CHCHD6: variants seen among roughly 807,000 people sequenced by gnomAD.
CHCHD6 encodes coiled-coil-helix-coiled-coil-helix domain containing 6.
In CHCHD6, 28 loss-of-function variants were observed where a neutral mutation model predicts 32.3. The observed-to-expected ratio is 0.87, with a 90% CI of 0.64 to 1.19. CHCHD6 has a LOEUF of 1.19. CHCHD6 is among the 50% of genes most tolerant of loss of function. The pLI is 0.00. For synonymous variants in CHCHD6, 122 were observed against 117.5 expected, an observed-to-expected ratio of 1.04 and a Z score of -0.25; for missense variants, 333 against 307.0, an observed-to-expected ratio of 1.08 and a Z score of -0.63.
intron 6 of CHCHD6, among the ~76,000 whole-genome samples, chr3:126,931,509 G>A (rs1462117100): frequency 1.3e-5 from 2 of 152,174 alleles, no homozygotes; most frequent in African/African-American, 2.4e-5. Context: ...GCTCCTCACA[G>A]TGTGGCCCTG....
intron 4 of CHCHD6, among the ~76,000 whole-genome samples, chr3:126,840,071 C>T (rs1037523091): frequency 6.6e-5 from 10 of 152,184 alleles, no homozygotes; most frequent in South Asian, 2.1e-4. Flanking sequence ...TGTGGCCTTT[C>T]GTGTCTGGCT....
intron 1 of CHCHD6, among the ~76,000 whole-genome samples, chr3:126,722,229 C>T (rs901541222): frequency 2.0e-5 from 3 of 152,204 alleles, no homozygotes; most frequent in Non-Finnish European, 2.9e-5. Flanking sequence ...AGTCATAGCT[C>T]GCTGTAACCA....
intron 4 of CHCHD6, among the ~76,000 whole-genome samples, chr3:126,754,914 A>G (rs1936890797): frequency 6.6e-6 from 1 of 152,284 alleles, no homozygotes; most frequent in African/African-American, 2.4e-5. Context: ...CAGTGGCTGC[A>G]AGGAGGGAGT....
intron 5 of CHCHD6, among the ~76,000 whole-genome samples, chr3:126,913,261 C>T (rs1467216345): frequency 9.4e-4 from 74 of 79,024 alleles, no homozygotes; most frequent in African/African-American, 2.8e-3. Context: ...CGGAGTTTCA[C>T]TTTTGTCGCC....
At chr3:126,842,624 A>G (rs1576482373) in intron 4 of CHCHD6, among the ~76,000 whole-genome samples, 1 of 152,126 alleles carries the variant, frequency 6.6e-6, no homozygotes, top group African/African-American at 2.4e-5. Context: ...TTAAATCTCA[A>G]TTTTGCATTT....
At chr3:126,806,706 C>G (rs529802361) in intron 4 of CHCHD6, among the ~76,000 whole-genome samples, 1 of 152,046 alleles carries the variant, frequency 6.6e-6, no homozygotes, top group African/African-American at 2.4e-5. Context: ...GGGTATATAC[C>G]CAAAGGACTA....
chr3:126,725,281 A>G (rs1182784464), intron 1 of CHCHD6, among the ~76,000 whole-genome samples: 1 of 152,228 alleles, frequency 6.6e-6, no homozygotes, highest in African/African-American at 2.4e-5. Flanking sequence ...AATAACATTC[A>G]TCTTGTACAT....
intron 4 of CHCHD6, among the ~76,000 whole-genome samples, chr3:126,788,582 A>G (rs1031408099): frequency 6.6e-6 from 1 of 152,092 alleles, no homozygotes; most frequent in African/African-American, 2.4e-5. Context: ...GAATTTATCC[A>G]TTTCTTCTAG....
chr3:126,780,161 T>A lies in CHCHD6; in HGVS notation c.411+46939T>A, dbSNP rs72978843. On this transcript the variant is annotated intron_variant, in intron 4 of 7. Coordinates refer to ENST00000290913, the MANE Select transcript of CHCHD6 (RefSeq NM_032343.3). ...CTAATCATCCCTTTTAATGGAGAGC[T>A]CCTATCAGGCACGTAAGCTTGGGTC... Among the ~76,000 whole-genome samples the A allele has an allele frequency of 2.5e-3, 386 of 152,330 alleles. 1 individual carries two copies. Among genetic ancestry groups the A allele is most frequent in the African/African-American group, 8.9e-3 (370 of 41,562 alleles).
intron 5 of CHCHD6, among the ~76,000 whole-genome samples, chr3:126,868,744 C>T (rs1278610855): frequency 1.3e-5 from 2 of 152,196 alleles, no homozygotes; most frequent in Non-Finnish European, 2.9e-5. Context: ...TGTGCATGTG[C>T]CATAATTTGC....
chr3:126,892,111 G>C (rs2077769926), intron 5 of CHCHD6, among the ~76,000 whole-genome samples: 2 of 152,166 alleles, frequency 1.3e-5, no homozygotes, highest in Admixed American at 6.5e-5. Flanking sequence ...TCGGCTCTGA[G>C]CAAGACACCG....
At chr3:126,826,185 G>A (rs1054352282) in intron 4 of CHCHD6, among the ~76,000 whole-genome samples, 1 of 152,202 alleles carries the variant, frequency 6.6e-6, no homozygotes, top group African/African-American at 2.4e-5. Context: ...TCTCAAACAA[G>A]TCTTGGTTTT....
intron 6 of CHCHD6, among the ~76,000 whole-genome samples, chr3:126,929,424 TCCATGCA>T: frequency 6.6e-6 from 1 of 152,194 alleles, no homozygotes. Context: ...TGAACTCGCC[TCCATGCA>T]TGGCTACTAA....
chr3:126,853,767 G>C (rs866397031), intron 5 of CHCHD6, among the ~76,000 whole-genome samples: 1 of 152,104 alleles, frequency 6.6e-6, no homozygotes, highest in Non-Finnish European at 1.5e-5. Context: ...GCTGCTTTCC[G>C]AGTGGCCCTT....
chr3:126,788,148 A>G (rs958512438), intron 4 of CHCHD6, among the ~76,000 whole-genome samples: 1 of 152,176 alleles, frequency 6.6e-6, no homozygotes, highest in African/African-American at 2.4e-5. Flanking sequence ...CGTATGTTGA[A>G]CCAGCCTTGC....
intron 6 of CHCHD6, among the ~76,000 whole-genome samples, chr3:126,936,140 G>T (rs1681052883): frequency 6.6e-6 from 1 of 152,228 alleles, no homozygotes; most frequent in African/African-American, 2.4e-5. Context: ...CCTTAGATCA[G>T]CCTTTCCTCT....
chr3:126,934,312 G>T (rs2078446817), intron 6 of CHCHD6, among the ~76,000 whole-genome samples: 1 of 152,116 alleles, frequency 6.6e-6, no homozygotes, highest in Non-Finnish European at 1.5e-5. Flanking sequence ...TGTCAGGAAT[G>T]CCCGGGAGTT....
chr3:126,744,011 C>A (rs1476697362), intron 4 of CHCHD6, among the ~76,000 whole-genome samples: 3 of 152,188 alleles, frequency 2.0e-5, no homozygotes, highest in Non-Finnish European at 4.4e-5. Flanking sequence ...GCTTGCTGTA[C>A]CCCTGCTCCT....
chr3:126,855,169 G>C (rs1297572726), intron 5 of CHCHD6, among the ~76,000 whole-genome samples: 1 of 152,208 alleles, frequency 6.6e-6, no homozygotes, highest in Non-Finnish European at 1.5e-5. Flanking sequence ...ATAGAAAGCA[G>C]TGAGCTGTTG....
Sources: gnomAD v4.1 joint callset for allele counts (sites outside exome capture counted in the v4.1 genomes callset) on GRCh38, gnomAD v4.1.1 for gene constraint, MANE v1.5 for transcripts, NCBI Gene and HGNC (gene_info 2026-07-23, HGNC 2026-07-21) for gene names.